The following TNRC6A variants were observed in gnomAD, a reference collection of about 807,000 sequenced individuals.
TNRC6A encodes trinucleotide repeat-containing gene 6A protein.
TNRC6A carries 44 observed loss-of-function variants against 221.2 expected under a neutral mutation model. The observed-to-expected ratio is 0.20, with a 90% CI of 0.16 to 0.26. TNRC6A has a LOEUF of 0.26. TNRC6A is among the 10% of genes least tolerant of loss of function. The pLI is 1.00. For missense variants in TNRC6A, 2,199 were observed against 2,404.4 expected (o/e 0.91, Z 1.79); for synonymous variants, 847 against 838.5 (o/e 1.01, Z -0.18).
At chr16:24,704,417 C>A (rs905393632) in intron 2 of TNRC6A, among the ~76,000 whole-genome samples, 2 of 151,932 alleles carry the variant, frequency 1.3e-5, no homozygotes, top group African/African-American at 2.4e-5. Context: ...TGGTGGCTCA[C>A]GCCTGTAATC....
intron 2 of TNRC6A, among the ~76,000 whole-genome samples, chr16:24,707,472 A>C (rs1218936439): frequency 6.6e-6 from 1 of 152,200 alleles, no homozygotes; most frequent in African/African-American, 2.4e-5. Context: ...ATAGCTGCAC[A>C]GTATAAAAAT....
intron 2 of TNRC6A, among the ~76,000 whole-genome samples, chr16:24,650,168 C>T (rs1166323866): frequency 6.6e-6 from 1 of 152,066 alleles, no homozygotes; most frequent in East Asian, 1.9e-4. Context: ...CTAACATTTG[C>T]ATCTCCATTT....
At chr16:24,725,077 T>G (rs2056469723), upstream of TNRC6A, among the ~76,000 whole-genome samples, 1 of 152,170 alleles carries the variant, frequency 6.6e-6, no homozygotes, top group Admixed American at 6.5e-5. Context: ...TAAAATTAAA[T>G]TTGTACAGCG....
upstream of TNRC6A, among the ~76,000 whole-genome samples, chr16:24,727,156 A>G (rs977144710): frequency 6.0e-5 from 9 of 151,260 alleles, no homozygotes; most frequent in South Asian, 6.3e-4. Flanking sequence ...CAGCCTCCCA[A>G]TTAGCTGGGA....
intron 2 of TNRC6A, among the ~76,000 whole-genome samples, chr16:24,680,211 C>T (rs1004216303): frequency 6.6e-6 from 1 of 151,416 alleles, no homozygotes; most frequent in African/African-American, 2.4e-5. Context: ...GGGAGGATGA[C>T]TTATCCAAGA....
At chr16:24,718,179 C>T (rs2056349323) in intron 2 of TNRC6A, among the ~76,000 whole-genome samples, 1 of 152,210 alleles carries the variant, frequency 6.6e-6, no homozygotes, top group African/African-American at 2.4e-5. Context: ...GCAGACAAGT[C>T]TCCACTCCCA....
intron 2 of TNRC6A, among the ~76,000 whole-genome samples, chr16:24,723,305 C>A (rs902282829): frequency 6.6e-6 from 1 of 151,932 alleles, no homozygotes; most frequent in African/African-American, 2.4e-5. Context: ...TATTAAGAGT[C>A]CATGGTGGCA....
chr16:24,755,662 C>G (rs988748552), intron 3 of TNRC6A, among the ~76,000 whole-genome samples: 4 of 152,214 alleles, frequency 2.6e-5, no homozygotes, highest in Non-Finnish European at 5.9e-5. Flanking sequence ...AAGTGTGCTT[C>G]AGGACCATGT....
chr16:24,813,147 G>A (rs2058583841), intron 18 of TNRC6A, among the ~76,000 whole-genome samples: 1 of 152,078 alleles, frequency 6.6e-6, no homozygotes, highest in South Asian at 2.1e-4. Flanking sequence ...AAAGTGCTGG[G>A]ATTATAGGCG....
intron 2 of TNRC6A, among the ~76,000 whole-genome samples, chr16:24,735,246 T>TTGTG (rs2056738414): frequency 1.3e-5 from 2 of 152,124 alleles, no homozygotes; most frequent in Admixed American, 6.5e-5. Flanking sequence ...GCCACTGCGC[T>TTGTG]CCAGCCTGGG....
chr16:24,724,692 C>T (rs557863528), upstream of TNRC6A, among the ~76,000 whole-genome samples: 10 of 151,880 alleles, frequency 6.6e-5, no homozygotes, highest in Non-Finnish European at 1.5e-4. Flanking sequence ...TGCAGTGAGC[C>T]GAGATCGTGC....
rs1476136599 is a variant in TNRC6A, at chr16:24,824,398, A to C, written c.*591A>C. 6.6e-6 allele frequency: 1 copy of C among 152,510 alleles called. No individual in the cohort carries two copies. The highest frequency in any genetic ancestry group is 6.6e-5 in the Admixed American group (1 of 15,258). 9.4% of individuals were successfully genotyped at this position (152,510 alleles called of 1,614,324 possible). On this transcript the variant is annotated 3_prime_UTR_variant, in exon 25 of 25. Coordinates refer to ENST00000395799, the MANE Select transcript of TNRC6A (RefSeq NM_014494.4). ...GGATTATTAATGAAAGTGTTGCACC[A>C]GTTTTTTCATGTTGTAAAACTAAAG...
chr16:24,664,627 A>ATATT (rs1341089906), intron 2 of TNRC6A, among the ~76,000 whole-genome samples: 4,962 of 142,826 alleles, frequency 0.035, 216 homozygotes, highest in East Asian at 0.13. Flanking sequence ...ATATAAATAT[A>ATATT]TATTATTAAT....
rs2058795940 is a variant in TNRC6A, at chr16:24,822,913, G to A, written c.5413G>A (p.Gly1805Ser). 1.9e-6 allele frequency: 3 copies of A among 1,614,000 alleles called. No individual in the cohort carries two copies. The highest frequency in any genetic ancestry group is 1.7e-6 in the Non-Finnish European group (2 of 1,180,050). Residue 1805 changes from glycine (G) to serine (S), a missense_variant, in exon 24 of 25, where the codon GGC becomes AGC. Transcript: ENST00000395799. ...TCTGCGCACTCTGTGCATGCAGCAC[G>A]GCCCGCTGATCACATTCCACCTGAA... ...STLRTLCMQHGPLITFHLNLP... is the reference protein window; with the variant it reads ...STLRTLCMQHSPLITFHLNLP...
intron 5 of TNRC6A, among the ~76,000 whole-genome samples, chr16:24,780,055 A>T (rs545157079): frequency 7.2e-5 from 11 of 152,298 alleles, no homozygotes; most frequent in South Asian, 4.1e-4. Flanking sequence ...CCCACAAACC[A>T]TGTAATGAAA....
chr16:24,715,596 G>C (rs541555430), intron 2 of TNRC6A, among the ~76,000 whole-genome samples: 1 of 144,646 alleles, frequency 6.9e-6, no homozygotes, highest in South Asian at 2.3e-4. Context: ...TTCCATTCTT[G>C]AGTAGTTTCT....
At chr16:24,821,567 G>T (rs2058766071) in intron 22 of TNRC6A, among the ~76,000 whole-genome samples, 2 of 152,136 alleles carry the variant, frequency 1.3e-5, no homozygotes, top group African/African-American at 4.8e-5. Flanking sequence ...CAGGGATGAG[G>T]GCTGTACTCC....
intron 2 of TNRC6A, among the ~76,000 whole-genome samples, chr16:24,742,329 A>G (rs891496390): frequency 5.3e-5 from 8 of 152,220 alleles, no homozygotes; most frequent in African/African-American, 1.9e-4. Context: ...GACCACTTCT[A>G]TTTGACATTT....
At chr16:24,675,659 ACT>A (rs71381700) in intron 2 of TNRC6A, among the ~76,000 whole-genome samples, 404 of 37,404 alleles carry the variant, frequency 0.011, 2 homozygotes, top group East Asian at 0.013. Flanking sequence ...CCAGCCAGAG[ACT>A]CTCTCTCTCT....
Sources: allele counts gnomAD v4.1 joint callset (sites outside exome capture counted in the v4.1 genomes callset), GRCh38; gene constraint gnomAD v4.1.1; transcripts MANE v1.5; gene names NCBI Gene and HGNC (gene_info 2026-07-23, HGNC 2026-07-21).